Variants in PPP2R2C observed in about 807,000 individuals in gnomAD.
PPP2R2C encodes the protein protein phosphatase 2 regulatory subunit Bgamma.
Under a neutral mutation model 45.3 loss-of-function variants are expected in PPP2R2C, and 10 were observed. That is an observed-to-expected ratio of 0.22 (90% CI 0.14 to 0.37). PPP2R2C has a LOEUF of 0.37. Ranked by LOEUF, PPP2R2C falls within the 10% of genes least tolerant of loss-of-function variation. The pLI is 1.00. For synonymous variants in PPP2R2C, 257 were observed against 245.4 expected (o/e 1.05, Z -0.44); for missense variants, 308 against 619.7 (o/e 0.50, Z 5.34).
chr4:6,556,103 G>A (rs1053068380), intron 1 of PPP2R2C, among the ~76,000 whole-genome samples: 2 of 152,176 alleles, frequency 1.3e-5, no homozygotes, highest in Non-Finnish European at 2.9e-5. Flanking sequence ...GGGAGCATCC[G>A]CATGGGGCAC....
intron 2 of PPP2R2C, among the ~76,000 whole-genome samples, chr4:6,380,626 G>C (rs561571401): frequency 2.7e-4 from 41 of 152,270 alleles, no homozygotes; most frequent in African/African-American, 7.9e-4. Flanking sequence ...CATTCATCCA[G>C]GGTCTAGGAC....
At position 6,503,563 on chromosome 4, in the gene PPP2R2C, C is replaced by G. The variant is rs113726603; in HGVS notation, c.49+31708G>C. The stretch of plus-strand genomic sequence containing the variant: ...CCTGTGAACGGTAGCCCTTGTATCC[C>G]CTATTTACAGGCTCATGGGAGACCC... On this transcript the variant is annotated intron_variant, in intron 2 of 9. Coordinates refer to the PPP2R2C transcript ENST00000506140. Among the ~76,000 whole-genome samples, 19 of 152,230 alleles carry G rather than the reference C, an allele frequency of 1.2e-4. 1 individual carries two copies. Among genetic ancestry groups the G allele is most frequent in the African/African-American group, 4.6e-4 (19 of 41,520 alleles).
At chr4:6,416,392 TC>T (rs1718587631) in intron 1 of PPP2R2C, among the ~76,000 whole-genome samples, 1 of 152,144 alleles carries the variant, frequency 6.6e-6, no homozygotes, top group African/African-American at 2.4e-5. Context: ...CTTTCCACCA[TC>T]CCGTGAAAAT....
chr4:6,413,409 T>A lies in PPP2R2C; in HGVS notation c.71-32315A>T, dbSNP rs555598452. On this transcript the variant is annotated intron_variant, in intron 1 of 8. Coordinates refer to ENST00000382599, the MANE Select transcript of PPP2R2C (RefSeq NM_020416.4). The stretch of plus-strand genomic sequence containing the variant: ...CTGAACTGCCTGTTCCTTCAGCTAC[T>A]CAGGGTCAAAGCTACTCGGGGTCAG... Among the ~76,000 whole-genome samples the A allele has an allele frequency of 3.8e-4, 58 of 152,370 alleles. 1 individual carries two copies. Among genetic ancestry groups the A allele is most frequent in the African/African-American group, 1.3e-3 (56 of 41,594 alleles).
chr4:6,511,690 ATGGTGGTGATGGTGGTGGAGGTGATGG>A (rs1723530844), intron 2 of PPP2R2C, among the ~76,000 whole-genome samples: 3 of 25,514 alleles, frequency 1.2e-4, no homozygotes, highest in African/African-American at 4.3e-4. Flanking sequence ...GGTGGAGGTG[ATGGTGGTGATGGTGGTGGAGGTGATGG>A]TGGTGATGGT....
At chr4:6,425,278 C>T (rs923606759) in intron 1 of PPP2R2C, among the ~76,000 whole-genome samples, 1 of 152,188 alleles carries the variant, frequency 6.6e-6, no homozygotes, top group Admixed American at 6.5e-5. Context: ...CACTCTGACA[C>T]GTCCAGTGTG....
intron 1 of PPP2R2C, among the ~76,000 whole-genome samples, chr4:6,542,423 G>T (rs1055170100): frequency 6.6e-6 from 1 of 152,150 alleles, no homozygotes; most frequent in Non-Finnish European, 1.5e-5. Flanking sequence ...GGTTGGGCGC[G>T]GTGGCTCACG....
intron 1 of PPP2R2C, among the ~76,000 whole-genome samples, chr4:6,423,293 T>G (rs1444459931): frequency 6.6e-6 from 1 of 152,168 alleles, no homozygotes; most frequent in East Asian, 1.9e-4. Context: ...AACCTCTGCC[T>G]CCCGGATTCA....
At chr4:6,499,782 C>A in intron 2 of PPP2R2C, among the ~76,000 whole-genome samples, 1 of 150,508 alleles carries the variant, frequency 6.6e-6, no homozygotes. Context: ...AAAAAAACAA[C>A]TCCTACCCCA....
intron 6 of PPP2R2C, among the ~76,000 whole-genome samples, chr4:6,337,317 G>A (rs1216166262): frequency 6.6e-6 from 1 of 151,352 alleles, no homozygotes; most frequent in East Asian, 2.0e-4. Context: ...CTCATATTTG[G>A]GAGAAGCAGG....
chr4:6,463,681 T>G (rs894710756), intron 1 of PPP2R2C, among the ~76,000 whole-genome samples: 2 of 152,218 alleles, frequency 1.3e-5, no homozygotes, highest in African/African-American at 4.8e-5. Context: ...TATGCCACTT[T>G]GCACACACCG....
chr4:6,490,904 G>A (rs1415271666), intron 2 of PPP2R2C, among the ~76,000 whole-genome samples: 1 of 152,158 alleles, frequency 6.6e-6, no homozygotes, highest in Admixed American at 6.5e-5. Flanking sequence ...GGAAAACTGA[G>A]GCTTAAAGAG....
chr4:6,424,712 G>A (rs573591851), intron 1 of PPP2R2C, among the ~76,000 whole-genome samples: 2 of 152,318 alleles, frequency 1.3e-5, no homozygotes, highest in African/African-American at 4.8e-5. Flanking sequence ...GGCCGTGTGT[G>A]CAAGGGTTCA....
intron 1 of PPP2R2C, among the ~76,000 whole-genome samples, chr4:6,456,305 TTTCC>T (rs77954203): frequency 0.55 from 72,262 of 130,708 alleles, 18,024 homozygotes; most frequent in African/African-American, 0.63. Context: ...AAGGATGTTA[TTTCC>T]CCCCCCCCCC....
At chr4:6,352,778 T>C (rs1712690864) in intron 5 of PPP2R2C, among the ~76,000 whole-genome samples, 1 of 152,194 alleles carries the variant, frequency 6.6e-6, no homozygotes, top group East Asian at 1.9e-4. Flanking sequence ...TACATCAGCA[T>C]AGCATGTGTC....
rs764052676 is a variant in PPP2R2C, at chr4:6,375,829, G to A, written c.437C>T (p.Thr146Met). The A allele has an allele frequency of 2.5e-6, 4 of 1,612,664 alleles. No individual in the cohort carries two copies. The highest frequency in any genetic ancestry group is 3.4e-6 in the Non-Finnish European group (4 of 1,179,208). ...EGKLKDLSTVTSLQVPVLKPM... is the reference protein window; with the variant it reads ...EGKLKDLSTVMSLQVPVLKPM... The stretch of plus-strand genomic sequence containing the variant: ...CTCACCGGAGCTCACCTGCAGTGAC[G>A]TCACCGTGGACAGGTCCTTAAGTTT... Residue 146 changes from threonine to methionine, a missense_variant, in exon 4 of 9, where the codon ACG becomes ATG. Transcript: ENST00000382599.
At position 6,406,278 on chromosome 4, in the gene PPP2R2C, C is replaced by T. The variant is rs73798229; in HGVS notation, c.71-25184G>A. ...TCTAAACCCAGCCAGTGTGGACCAGCACCTTCCATGGGGAAGTTGGTCTTT... is the reference window on the plus strand; with the variant it reads ...TCTAAACCCAGCCAGTGTGGACCAGTACCTTCCATGGGGAAGTTGGTCTTT... On this transcript the variant is annotated intron_variant, in intron 1 of 8. Coordinates refer to ENST00000382599, the MANE Select transcript of PPP2R2C (RefSeq NM_020416.4). Among the ~76,000 whole-genome samples, 1,316 of 152,302 alleles carry T rather than the reference C, an allele frequency of 8.6e-3. 14 individuals are homozygous for T. The highest frequency in any genetic ancestry group is 0.029 in the African/African-American group (1,202 of 41,552).
At chr4:6,421,645 G>A (rs1353337292) in intron 1 of PPP2R2C, among the ~76,000 whole-genome samples, 1 of 152,098 alleles carries the variant, frequency 6.6e-6, no homozygotes, top group Non-Finnish European at 1.5e-5. Flanking sequence ...GACTCCAGAC[G>A]CGAGGGGGCT....
intron 2 of PPP2R2C, among the ~76,000 whole-genome samples, chr4:6,484,030 C>A (rs548704829): frequency 1.3e-5 from 2 of 152,120 alleles, no homozygotes; most frequent in African/African-American, 2.4e-5. Context: ...ATCATTACAA[C>A]AGAGTCCATA....
Sources: allele counts gnomAD v4.1 joint callset (sites outside exome capture counted in the v4.1 genomes callset), GRCh38; gene constraint gnomAD v4.1.1; transcripts MANE v1.5; gene names NCBI Gene and HGNC (gene_info 2026-07-23, HGNC 2026-07-21).